Variants in C16orf96 observed in about 807,000 individuals in gnomAD.
C16orf96 encodes the protein uncharacterized protein C16orf96.
C16orf96 carries 108 observed loss-of-function variants against 103.6 expected under a neutral mutation model. The ratio of observed to expected loss-of-function variants is 1.04; its 90% CI spans 0.89 to 1.22. The LOEUF (loss-of-function observed/expected upper bound fraction) is 1.22. Among genes scored for constraint, C16orf96 ranks in the 50% most tolerant of loss-of-function variants. The pLI, the probability that C16orf96 is intolerant of heterozygous loss-of-function variation, is 0.00. For missense variants in C16orf96, 1,586 were observed against 1,464.2 expected (o/e 1.08, Z -1.36); for synonymous variants, 566 against 593.5 (o/e 0.95, Z 0.67).
chr16:4,551,428 T>C (rs568412627), upstream of C16orf96, among the ~76,000 whole-genome samples: 1 of 152,198 alleles, frequency 6.6e-6, no homozygotes, highest in Admixed American at 6.5e-5. Flanking sequence ...ACCTAAGATT[T>C]GTTTACTCCA....
the C16orf96 span, among the ~76,000 whole-genome samples, chr16:4,544,058 G>A: frequency 6.6e-6 from 1 of 152,160 alleles, no homozygotes; most frequent in Non-Finnish European, 1.5e-5. Context: ...AGGACCTGTG[G>A]AAACTAAGGA....
At chr16:4,592,543 C>T (rs1396879674) in intron 11 of C16orf96, among the ~76,000 whole-genome samples, 176 bp downstream of exon 11, 2 of 151,924 alleles carry the variant, frequency 1.3e-5, no homozygotes, top group Non-Finnish European at 2.9e-5. Flanking sequence ...TCTCTATGCA[C>T]CAGGTATCTA....
At chr16:4,546,259 C>T in the C16orf96 span, among the ~76,000 whole-genome samples, 1 of 147,014 alleles carries the variant, frequency 6.8e-6, no homozygotes, top group Admixed American at 6.8e-5. Context: ...CCCAGGTTCA[C>T]GCCATTCTCC....
At chr16:4,588,025 A>AG (rs1896969497) in intron 8 of C16orf96, 142 bp from the exon 9 acceptor site, 3 of 694,292 alleles carry the variant, frequency 4.3e-6, no homozygotes, top group Non-Finnish European at 6.8e-6. Flanking sequence ...GAATCCACGT[A>AG]GACCCCAGGG....
At chr16:4,564,959 C>T (rs536303493) in intron 1 of C16orf96, among the ~76,000 whole-genome samples, 34 of 152,212 alleles carry the variant, frequency 2.2e-4, no homozygotes, top group Non-Finnish European at 3.1e-4. Flanking sequence ...TCATTGGTGT[C>T]ACCTTCACAG....
chr16:4,547,668 C>G, the C16orf96 span, among the ~76,000 whole-genome samples: 221 of 67,692 alleles, frequency 3.3e-3, 6 homozygotes, highest in African/African-American at 8.1e-3. Context: ...TTCCTTCCTT[C>G]CTTGCTTCCT....
intron 8 of C16orf96, 52 bp downstream of exon 8, chr16:4,587,165 G>A (rs566607154): frequency 4.7e-5 from 70 of 1,474,328 alleles, no homozygotes; most frequent in Admixed American, 3.9e-5. Flanking sequence ...CCAGGGAAAC[G>A]GCACCATCCA....
At chr16:4,563,286 G>C (rs1248672292) in intron 1 of C16orf96, among the ~76,000 whole-genome samples, 4 of 152,154 alleles carry the variant, frequency 2.6e-5, no homozygotes, top group Non-Finnish European at 5.9e-5. Context: ...GTCTCACTCT[G>C]TCGCCCAGGC....
At chr16:4,585,647 C>T (rs183141416) in intron 7 of C16orf96, among the ~76,000 whole-genome samples, 3 of 152,074 alleles carry the variant, frequency 2.0e-5, no homozygotes, top group Admixed American at 6.6e-5. Context: ...CAGTTCCCTG[C>T]GGTTGCTGCG....
rs1290960424 is a variant in C16orf96 at position 4,600,297 on chromosome 16, G to A, written c.3406G>A (p.Glu1136Lys). 1.6e-5 allele frequency: 25 copies of A among 1,549,022 alleles called. No homozygotes were observed. Among genetic ancestry groups the A allele is most frequent in the African/African-American group, 1.1e-4 (8 of 72,630 alleles). The change falls in exon 16 of 16, where the codon GAG becomes AAG. Residue 1136 changes from glutamate (E) to lysine (K), a missense_variant. By Grantham distance (56) the Glu-to-Lys change is moderately conservative. Coordinates refer to ENST00000444310, the MANE Select transcript of C16orf96 (RefSeq NM_001145011.2). The stretch of plus-strand genomic sequence containing the variant: ...GTCCCGAGTCGGCAGGAAGCCCCCC[G>A]AGGAGCCCGCCAACCCGTGAGCCCC... ...IESRVGRKPP[E>K]EPANP
At chr16:4,558,514 A>G (rs2059292031) in intron 1 of C16orf96, among the ~76,000 whole-genome samples, 1 of 152,076 alleles carries the variant, frequency 6.6e-6, no homozygotes, top group Non-Finnish European at 1.5e-5. Context: ...CAGGAGGCTG[A>G]GGTGGGAGAA....
rs112267644 is a variant in C16orf96 at position 4,581,932 on chromosome 16, G to T, written c.2352+1807G>T. On this transcript the variant is annotated intron_variant, in intron 7 of 15. Transcript: ENST00000444310. ...GACTGCATCACTGACTCCAGCCTGG[G>T]TGACACAGAAAGACCATCTCAAAAA... Among the ~76,000 whole-genome samples the T allele has an allele frequency of 4.3e-3, 660 of 152,222 alleles. 10 individuals carry two copies. Among genetic ancestry groups the T allele is most frequent in the African/African-American group, 0.015 (630 of 41,532 alleles).
At chr16:4,547,822 T>A in the C16orf96 span, among the ~76,000 whole-genome samples, 2 of 141,972 alleles carry the variant, frequency 1.4e-5, no homozygotes, top group East Asian at 4.8e-4. Context: ...TTCCTTGAGA[T>A]AAGGTCTCCC....
chr16:4,583,924 C>CAAAAAAAAAAA, intron 7 of C16orf96, among the ~76,000 whole-genome samples: 2 of 78,130 alleles, frequency 2.6e-5, no homozygotes, highest in Non-Finnish European at 5.0e-5. Context: ...GACTGTATCT[C>CAAAAAAAAAAA]AAAAAAAAAA....
Position 4,588,022 on chromosome 16 carries a change from C to G in C16orf96, c.2428-145C>G, listed in dbSNP as rs547307163. ...GATCTCGAGATCGTGTTTGAATCCA[C>G]GTAGACCCCAGGGTTGCATTTAAGC... On this transcript the variant is annotated intron_variant, in intron 8 of 15. Coordinates refer to ENST00000444310, the MANE Select transcript of C16orf96 (RefSeq NM_001145011.2). 1.3e-5 allele frequency: 9 copies of G among 682,466 alleles called. No homozygotes were observed. In the Admixed American group the frequency reaches 2.8e-4, roughly 21 times the overall value. 42.3% of individuals were successfully genotyped at this position (682,466 alleles called of 1,614,324 possible). A position where few individuals can be genotyped will look rare whatever the true frequency, so the allele number is the denominator to read the frequency against.
intron 7 of C16orf96, among the ~76,000 whole-genome samples, chr16:4,584,493 G>A (rs751016749): frequency 2.6e-5 from 4 of 151,648 alleles, no homozygotes; most frequent in Admixed American, 6.6e-5. Context: ...GACTACAGGC[G>A]TGTGCCACCA....
chr16:4,599,190 C>G, intron 14 of C16orf96, 94 bp from the exon 15 acceptor site: 1 of 1,084,466 alleles, frequency 9.2e-7, no homozygotes, highest in East Asian at 2.6e-5. Context: ...TGGGGTTGGT[C>G]CCACCAGAGG....
chr16:4,585,217 C>G (rs1896892664), intron 7 of C16orf96, among the ~76,000 whole-genome samples: 1 of 144,032 alleles, frequency 6.9e-6, no homozygotes, highest in South Asian at 2.3e-4. Context: ...CTTTGGGAGG[C>G]TGATGGGGGA....
chr16:4,592,101 C>A (rs1018065166), intron 10 of C16orf96, among the ~76,000 whole-genome samples: 4 of 152,236 alleles, frequency 2.6e-5, no homozygotes. Flanking sequence ...CTCAGACCAC[C>A]CCTCACACAG....
Sources: gnomAD v4.1 joint callset for allele counts (sites outside exome capture counted in the v4.1 genomes callset) on GRCh38, gnomAD v4.1.1 for gene constraint, MANE v1.5 for transcripts, NCBI Gene and HGNC (gene_info 2026-07-23, HGNC 2026-07-21) for gene names.